The following IFT88 variants were observed in gnomAD, a reference collection of about 807,000 sequenced individuals.
The protein encoded by IFT88 is intraflagellar transport 88.
Under a neutral mutation model 119.5 loss-of-function variants are expected in IFT88, and 74 were observed. That is an observed-to-expected ratio of 0.62 (90% CI 0.51 to 0.75). The LOEUF is 0.75. IFT88 is among the 30% of genes least tolerant of loss of function. The pLI is 0.00. For missense variants in IFT88, 961 were observed against 977.7 expected (o/e 0.98, Z 0.23); for synonymous variants, 279 against 316.7 (o/e 0.88, Z 1.26).
chr13:20,570,127 A>G (rs991081071), intron 1 of IFT88, among the ~76,000 whole-genome samples: 1 of 152,204 alleles, frequency 6.6e-6, no homozygotes. Flanking sequence ...AAAGATACTC[A>G]ACATCATTAG....
chr13:20,670,821 T>G, intron 23 of IFT88, 152 bp from the exon 24 acceptor site: 1 of 196,536 alleles, frequency 5.1e-6, no homozygotes, highest in Admixed American at 6.5e-5. Context: ...CAACTCAGGC[T>G]TTTTTTTTTT....
chr13:20,591,197 G>A (rs893600349), intron 5 of IFT88, among the ~76,000 whole-genome samples, 177 bp downstream of exon 5: 11 of 152,232 alleles, frequency 7.2e-5, no homozygotes, highest in African/African-American at 2.6e-4. Context: ...CTTTGAAGGC[G>A]AAGTCTCTTT....
At position 20,656,465 on chromosome 13, in the gene IFT88, TAA is replaced by T. The variant is rs2052824454; in HGVS notation, c.2068+36_2068+37del. On this transcript the variant is annotated intron_variant, in intron 22 of 25. Transcript: ENST00000351808. ...ATTACATAATGTAACTTTGAAGTGA[TAA>T]GTTCTCATATTTTATGTTCTAATAT... 8.0e-6 allele frequency: 8 copies of T among 996,846 alleles called. No homozygotes were observed. In the Admixed American group the frequency reaches 1.4e-4, roughly 17 times the overall value. The allele number at this position is 996,846 out of a possible 1,614,324, so 61.8% of individuals were successfully genotyped here.
chr13:20,594,206 C>T (rs939006713), intron 7 of IFT88, among the ~76,000 whole-genome samples: 3 of 152,084 alleles, frequency 2.0e-5, no homozygotes, highest in African/African-American at 7.2e-5. Context: ...CTTTGTTTCC[C>T]TTGGCTTTCC....
At chr13:20,635,808 G>A (rs2048940581) in intron 16 of IFT88, among the ~76,000 whole-genome samples, 1 of 151,978 alleles carries the variant, frequency 6.6e-6, no homozygotes, top group African/African-American at 2.4e-5. Flanking sequence ...AGGTTGATAG[G>A]TCCAGCAAAC....
chr13:20,649,557 G>A (rs549800000), intron 20 of IFT88, among the ~76,000 whole-genome samples: 45 of 152,166 alleles, frequency 3.0e-4, no homozygotes, highest in African/African-American at 9.1e-4. Context: ...AAGATCCCAA[G>A]TTAGTAACCT....
chr13:20,617,391 C>G (rs1006549071), intron 14 of IFT88, among the ~76,000 whole-genome samples: 1 of 152,064 alleles, frequency 6.6e-6, no homozygotes, highest in African/African-American at 2.4e-5. Flanking sequence ...GTGGAATGTT[C>G]CATCTCTGAG....
chr13:20,630,784 A>G (rs1255962759), intron 15 of IFT88, among the ~76,000 whole-genome samples: 1 of 152,138 alleles, frequency 6.6e-6, no homozygotes, highest in Non-Finnish European at 1.5e-5. Flanking sequence ...TAGAACATCT[A>G]TGTTTTCTTA....
intron 13 of IFT88, among the ~76,000 whole-genome samples, chr13:20,612,510 A>G (rs1352246832): frequency 6.6e-6 from 1 of 152,230 alleles, no homozygotes; most frequent in Non-Finnish European, 1.5e-5. Flanking sequence ...TAAATAAATT[A>G]TGTCGTATTT....
intron 3 of IFT88, among the ~76,000 whole-genome samples, chr13:20,587,996 CT>C (rs35750861): frequency 0.73 from 99,796 of 135,810 alleles, 37,190 homozygotes; most frequent in East Asian, 0.99. Flanking sequence ...TTACTATTTG[CT>C]TTTTTTTTTT....
intron 22 of IFT88, chr13:20,663,155 C>G: frequency 1.1e-6 from 1 of 897,722 alleles, no homozygotes; most frequent in Non-Finnish European, 1.5e-6. Flanking sequence ...CCTAGTCTCT[C>G]TTATAGCTCT....
At chr13:20,646,954 T>C (rs965311206) in intron 20 of IFT88, among the ~76,000 whole-genome samples, 1 of 152,124 alleles carries the variant, frequency 6.6e-6, no homozygotes, top group Non-Finnish European at 1.5e-5. Flanking sequence ...TTACACAGGC[T>C]GTGAAATACT....
chr13:20,639,828 G>A (rs943980969), intron 17 of IFT88, among the ~76,000 whole-genome samples: 5 of 126,008 alleles, frequency 4.0e-5, no homozygotes, highest in Non-Finnish European at 6.3e-5. Context: ...TTGCTCTGTC[G>A]TCTAGGCTGG....
At chr13:20,578,170 G>A (rs1473811256) in intron 2 of IFT88, among the ~76,000 whole-genome samples, 3 of 145,874 alleles carry the variant, frequency 2.1e-5, no homozygotes, top group South Asian at 2.3e-4. Context: ...TCAGCCTCCC[G>A]AGTAGCTGGG....
rs748929005 is a variant in IFT88, at chr13:20,591,618, G to C, written c.265G>C (p.Asp89His). 1.2e-6 allele frequency: 2 copies of C among 1,609,904 alleles called. No individual in the cohort carries two copies. The highest frequency in any genetic ancestry group is 8.5e-7 in the Non-Finnish European group (1 of 1,176,702). Reference protein sequence around the residue: ...IGRPMTGAIQDGVTRPMTAVR... With the variant: ...IGRPMTGAIQHGVTRPMTAVR... ...TAAATGATTCCCATTCTCTTTAAAG[G>C]ATGGAGTTACTAGACCCATGACAGC... Residue 89 changes from aspartate to histidine, a missense_variant and splice_region_variant, in exon 6 of 26, where the codon GAT becomes CAT. Asp to His is a moderately conservative substitution (Grantham distance 81, BLOSUM62 -1). Coordinates refer to ENST00000351808, the MANE Select transcript of IFT88 (RefSeq NM_006531.5).
At chr13:20,663,414 A>G (rs1473029199) in intron 22 of IFT88, 84 bp from the exon 23 acceptor site, 14 of 1,567,684 alleles carry the variant, frequency 8.9e-6, no homozygotes, top group African/African-American at 1.4e-5. Context: ...CTGTATCCCA[A>G]AAGACTGAGT....
intron 20 of IFT88, among the ~76,000 whole-genome samples, chr13:20,652,521 C>CTAGATTGACAGTATTAGAAGTCATTA (rs1481757584): frequency 6.6e-6 from 1 of 151,680 alleles, no homozygotes; most frequent in African/African-American, 2.4e-5. Context: ...GTGGTCCCAG[C>CTAGATTGACAGTATTAGAAGTCATTA]TACTTGGGAG....
intron 20 of IFT88, among the ~76,000 whole-genome samples, chr13:20,645,697 TTATACA>T (rs2050642263): frequency 6.6e-6 from 1 of 152,222 alleles, no homozygotes; most frequent in African/African-American, 2.4e-5. Flanking sequence ...TCAGAATGTG[TTATACA>T]TATCTGATTC....
chr13:20,568,754 CTG>C (rs2137695512), intron 1 of IFT88, among the ~76,000 whole-genome samples: 2 of 152,186 alleles, frequency 1.3e-5, no homozygotes, highest in Admixed American at 1.3e-4. Flanking sequence ...GTCGCACGCT[CTG>C]TTGCCCAGGC....
Sources: gnomAD v4.1 joint callset for allele counts (sites outside exome capture counted in the v4.1 genomes callset) on GRCh38, gnomAD v4.1.1 for gene constraint, MANE v1.5 for transcripts, NCBI Gene and HGNC (gene_info 2026-07-23, HGNC 2026-07-21) for gene names.